The following ALS2CL variants were observed in gnomAD, a reference collection of about 807,000 sequenced individuals.
ALS2CL encodes ALS2 C-terminal like.
Under a neutral mutation model 127.9 loss-of-function variants are expected in ALS2CL, and 112 were observed. That is an observed-to-expected ratio of 0.88 (90% CI 0.75 to 1.02). ALS2CL has a LOEUF of 1.02. Ranked by LOEUF, ALS2CL falls within the 50% of genes least tolerant of loss-of-function variation. The probability of loss-of-function intolerance (pLI) is 0.00; values close to 1 mark genes in which losing one functional copy is unlikely to be tolerated. For synonymous variants in ALS2CL, 519 were observed against 527.6 expected, an observed-to-expected ratio of 0.98 and a Z score of 0.22; for missense variants, 1,174 against 1,236.7, an observed-to-expected ratio of 0.95 and a Z score of 0.76.
chr3:46,680,198 T>C, intron 14 of ALS2CL: 1 of 553,352 alleles, frequency 1.8e-6, no homozygotes, highest in Non-Finnish European at 3.3e-6. Flanking sequence ...ATGGTAAGTA[T>C]TCTTAACCTG....
rs1698261901 is a variant in ALS2CL at position 46,669,856 on chromosome 3, C to A, written c.*1128G>T. On this transcript the variant is annotated 3_prime_UTR_variant, in exon 26 of 26. Transcript: ENST00000318962. The stretch of plus-strand genomic sequence containing the variant: ...TCAGGTGTGGCTGGGCTTTCCAGAG[C>A]CTCCCTCAACCCTCCCCTCACAGGC... The A allele has an allele frequency of 6.6e-6, 1 of 152,274 alleles. No homozygotes were observed. Among genetic ancestry groups the A allele is most frequent in the Non-Finnish European group, 1.5e-5 (1 of 68,102 alleles). 9.4% of individuals were successfully genotyped at this position (152,274 alleles called of 1,614,324 possible).
At chr3:46,692,099 C>T (rs13071203) in intron 1 of ALS2CL, among the ~76,000 whole-genome samples, 55,111 of 151,850 alleles carry the variant, frequency 0.36, 10,684 homozygotes, top group Non-Finnish European at 0.42. Context: ...CCCAGAGGAA[C>T]GGGCAGAAGT....
chr3:46,676,085 C>A, intron 19 of ALS2CL, 160 bp downstream of exon 19: 1 of 1,373,896 alleles, frequency 7.3e-7, no homozygotes, highest in East Asian at 2.5e-5. Flanking sequence ...CCTCCCCACC[C>A]TCTAACCCTT....
rs202004106 is a variant in ALS2CL, at chr3:46,687,073, T to C, written c.444A>G (p.Ala148=). The C allele has an allele frequency of 3.1e-6, 5 of 1,593,108 alleles. No individual in the cohort carries two copies. The highest frequency in any genetic ancestry group is 4.2e-6 in the Non-Finnish European group (5 of 1,176,492). ...GCTGGTGGAGGGCCTGGCCCAGCGATGCGCCCACCGAGCCCTCTGAGCTCA... is the reference window on the plus strand; with the variant it reads ...GCTGGTGGAGGGCCTGGCCCAGCGACGCGCCCACCGAGCCCTCTGAGCTCA... ...SGVSSEGSVG[A]SLGQALHQPL... is the part of the protein sequence containing the mutation. The change falls in exon 5 of 26, where the codon GCA becomes GCG. Residue 148 remains alanine, a synonymous_variant. Coordinates refer to ENST00000318962, the MANE Select transcript of ALS2CL (RefSeq NM_147129.5).
At chr3:46,693,084 T>A (rs1032303960) in intron 1 of ALS2CL, among the ~76,000 whole-genome samples, 3 of 152,028 alleles carry the variant, frequency 2.0e-5, no homozygotes, top group African/African-American at 7.3e-5. Flanking sequence ...GATCCCTCAG[T>A]CTCATGCTCG....
At chr3:46,688,596 C>A (rs886885818) in intron 2 of ALS2CL, among the ~76,000 whole-genome samples, 5 of 152,182 alleles carry the variant, frequency 3.3e-5, no homozygotes, top group Non-Finnish European at 5.9e-5. Context: ...ACACGAATTC[C>A]CCCCTGGCTC....
rs1477545597 is a variant in ALS2CL, at chr3:46,670,246, G to A, written c.*738C>T. On this transcript the variant is annotated 3_prime_UTR_variant, in exon 26 of 26. Coordinates refer to ENST00000318962, the MANE Select transcript of ALS2CL (RefSeq NM_147129.5). The surrounding 1 kb of genome is among the most constrained non-coding windows in gnomAD (Gnocchi z 5.5). Reference sequence around the variant, plus strand: ...TTAAATAAAGTCCTCCCCTCCCAAAGGTACTCCTGCTCCCCAACTACAGCA... The same window carrying A: ...TTAAATAAAGTCCTCCCCTCCCAAAAGTACTCCTGCTCCCCAACTACAGCA... The A allele has an allele frequency of 6.6e-6, 1 of 152,228 alleles. No homozygotes were observed. Among genetic ancestry groups the A allele is most frequent in the Non-Finnish European group, 1.5e-5 (1 of 68,080 alleles). 9.4% of individuals were successfully genotyped at this position (152,228 alleles called of 1,614,324 possible). A position where few individuals can be genotyped will look rare whatever the true frequency, so the allele number is the denominator to read the frequency against.
intron 1 of ALS2CL, among the ~76,000 whole-genome samples, chr3:46,691,709 A>G (rs1346799268): frequency 7.2e-6 from 1 of 139,374 alleles, no homozygotes; most frequent in Non-Finnish European, 1.6e-5. Flanking sequence ...ATTTGTTTGT[A>G]TTTCTTTCTA....
At position 46,682,053 on chromosome 3, in the gene ALS2CL, T is replaced by C. The variant is rs139014096; in HGVS notation, c.1151A>G (p.Asn384Ser). ...KWPDGRNHVG[N>S]FCQGLEHGFG... is the part of the protein sequence containing the mutation. Reference sequence around the variant, plus strand: ...CCCATGCTCCAGGCCCTGGCAGAAATTCCCCACGTGATTCCGCCCATCCGG... The same window carrying C: ...CCCATGCTCCAGGCCCTGGCAGAAACTCCCCACGTGATTCCGCCCATCCGG... Residue 384 changes from asparagine to serine, a missense_variant, in exon 11 of 26, where the codon AAT becomes AGT. Asn to Ser is a conservative substitution (Grantham distance 46). Coordinates refer to ENST00000318962, the MANE Select transcript of ALS2CL (RefSeq NM_147129.5). 3.8e-5 allele frequency: 61 copies of C among 1,613,866 alleles called. No homozygotes were observed. Among genetic ancestry groups the C allele is most frequent in the Middle Eastern group, 3.3e-4 (2 of 6,084 alleles).
chr3:46,687,854 A>G (rs919181509), intron 3 of ALS2CL, among the ~76,000 whole-genome samples, 170 bp from the exon 4 acceptor site: 1 of 152,148 alleles, frequency 6.6e-6, no homozygotes, highest in Non-Finnish European at 1.5e-5. Context: ...CAACAAGACA[A>G]TTCTAACATA....
rs748232363 is a variant in ALS2CL, at chr3:46,681,590, AT to A, written c.1183del (p.Ile395SerfsTer143). 2.2e-4 allele frequency: 349 copies of A among 1,614,090 alleles called. No homozygotes were observed. The highest frequency in any genetic ancestry group is 5.9e-5 in the Non-Finnish European group (70 of 1,179,974). ...FCQGLEHGFG[I>X]RLLPQASEDK... ...CTCAGAGGCCTGGGGCAGCAGGCGG[AT>A]GCCGAAGCTGACAGCATGGTTGTGG... On this transcript the variant is annotated frameshift_variant, in exon 12 of 26. Transcript: ENST00000318962. LOFTEE classifies it high-confidence loss of function. This position sits in a 1 kb window ranked among gnomAD's most constrained non-coding sequence, Gnocchi z 4.9.
chr3:46,684,607 A>G (rs1477825955), intron 7 of ALS2CL, among the ~76,000 whole-genome samples: 1 of 152,152 alleles, frequency 6.6e-6, no homozygotes, highest in Non-Finnish European at 1.5e-5. Context: ...ACTGCTCCAT[A>G]CCAGAATGGG....
chr3:46,677,412 G>C, intron 16 of ALS2CL: 1 of 1,050,786 alleles, frequency 9.5e-7, no homozygotes, highest in Non-Finnish European at 1.1e-6. Context: ...TCCTTCCTGT[G>C]GTTGATCCCG....
intron 1 of ALS2CL, among the ~76,000 whole-genome samples, chr3:46,692,635 C>T (rs915519945): frequency 6.6e-5 from 10 of 152,334 alleles, no homozygotes; most frequent in Admixed American, 6.5e-4. Flanking sequence ...AAGATCCTGA[C>T]GGGCCCTGCC....
At chr3:46,677,528 G>T in intron 16 of ALS2CL, 1 of 433,956 alleles carries the variant, frequency 2.3e-6, no homozygotes, top group Non-Finnish European at 3.1e-6. Context: ...CCAGGCTGGG[G>T]CCTGCCCCTA....
intron 6 of ALS2CL, 139 bp from the exon 7 acceptor site, chr3:46,685,783 G>A (rs1378784830): frequency 8.9e-6 from 11 of 1,236,754 alleles, no homozygotes; most frequent in Admixed American, 5.1e-5. Context: ...CTGGGTCAGA[G>A]ATAGGCAGAA....
chr3:46,689,581 A>G (rs1700032575), intron 1 of ALS2CL, 116 bp from the exon 2 acceptor site: 1 of 649,690 alleles, frequency 1.5e-6, no homozygotes, highest in African/African-American at 1.8e-5. Flanking sequence ...AGAACTGAGC[A>G]GTGAGCCCAG....
Position 46,681,921 on chromosome 3 carries a change from T to C in ALS2CL, c.1175+108A>G. The stretch of plus-strand genomic sequence containing the variant: ...GACCGGATTGTCTCTAAGTTCCTGC[T>C]TGAGGTTTGGGAATTCAGGATGGGG... On this transcript the variant is annotated intron_variant, in intron 11 of 25. Coordinates refer to ENST00000318962, the MANE Select transcript of ALS2CL (RefSeq NM_147129.5). This position sits in a 1 kb window ranked among gnomAD's most constrained non-coding sequence, Gnocchi z 4.9. 1.5e-6 allele frequency: 2 copies of C among 1,351,288 alleles called. No homozygotes were observed. Among genetic ancestry groups the C allele is most frequent in the South Asian group, 1.3e-5 (1 of 77,450 alleles). 83.7% of individuals were successfully genotyped at this position (1,351,288 alleles called of 1,614,324 possible).
intron 10 of ALS2CL, among the ~76,000 whole-genome samples, chr3:46,682,779 G>A (rs924925900): frequency 1.5e-4 from 23 of 152,326 alleles, no homozygotes; most frequent in Admixed American, 1.3e-3. Context: ...CATGAGGACC[G>A]ATGGAGATAG....
Sources: gnomAD v4.1 joint callset for allele counts (sites outside exome capture counted in the v4.1 genomes callset) on GRCh38, gnomAD v4.1.1 for gene constraint, Gnocchi (gnomAD v3.1) non-coding constraint, MANE v1.5 for transcripts, NCBI Gene and HGNC (gene_info 2026-07-23, HGNC 2026-07-21) for gene names.